Variants in ZNF283 observed in about 807,000 individuals in gnomAD.
The protein encoded by ZNF283 is zinc finger protein 41.
A neutral mutation model predicts 9.2 loss-of-function variants in ZNF283; 10 were observed. The ratio of observed to expected loss-of-function variants is 1.09; its 90% CI spans 0.67 to 1.85. The LOEUF is 1.85. Among genes scored for constraint, ZNF283 ranks in the 40% most tolerant of loss-of-function variants. The probability of loss-of-function intolerance (pLI) is 0.00; values close to 1 mark genes in which losing one functional copy is unlikely to be tolerated. For synonymous variants in ZNF283, 234 were observed against 244.1 expected, an observed-to-expected ratio of 0.96 and a Z score of 0.38; for missense variants, 631 against 760.1, an observed-to-expected ratio of 0.83 and a Z score of 2.00.
At chr19:43,833,966 A>G (rs2146540236) in intron 4 of ZNF283, 1 of 152,434 alleles carries the variant, frequency 6.6e-6, no homozygotes, top group South Asian at 2.1e-4. Context: ...GTCAGCAACA[A>G]AGGCCAGTAG....
At chr19:43,838,397 G>A (rs571968232) in intron 6 of ZNF283, among the ~76,000 whole-genome samples, 1 of 152,142 alleles carries the variant, frequency 6.6e-6, no homozygotes, top group African/African-American at 2.4e-5. Context: ...AAGCTGAGAC[G>A]GTTGGATCAC....
chr19:43,848,652 T>G lies in ZNF283; in HGVS notation c.*11T>G, dbSNP rs751621801. 3.9e-6 allele frequency: 6 copies of G among 1,529,944 alleles called. No individual in the cohort carries two copies. The highest frequency in any genetic ancestry group is 5.3e-6 in the Non-Finnish European group (6 of 1,138,932). 94.8% of individuals were successfully genotyped at this position (1,529,944 alleles called of 1,614,324 possible). A position where few individuals can be genotyped will look rare whatever the true frequency, so the allele number is the denominator to read the frequency against. ...GATGAAACCTTATGATTGAAAGTTG[T>G]AAAAGAATATTTTGTGTGTGTGTAT... On this transcript the variant is annotated 3_prime_UTR_variant, in exon 7 of 7. Coordinates refer to ENST00000618787, the MANE Select transcript of ZNF283 (RefSeq NM_181845.2).
At position 43,848,250 on chromosome 19, in the gene ZNF283, A is replaced by G. The variant is rs773239104; in HGVS notation, c.1649A>G (p.Lys550Arg). 13 of 1,613,672 alleles carry G rather than the reference A, an allele frequency of 8.1e-6. No individual in the cohort carries two copies. Among genetic ancestry groups the G allele is most frequent in the South Asian group, 2.2e-5 (2 of 91,068 alleles). ...EKPYECKECGKAFSRGYHLTQ... is the reference protein window; with the variant it reads ...EKPYECKECGRAFSRGYHLTQ... ...CCCTATGAATGTAAAGAATGTGGGA[A>G]GGCTTTTAGTCGTGGCTATCACCTT... is the stretch of plus-strand genomic sequence containing the variant. The change falls in exon 7 of 7, where the codon AAG becomes AGG. Residue 550 changes from lysine (K) to arginine (R), a missense_variant. By Grantham distance (26) the Lys-to-Arg change is conservative. This residue lies in a region of ZNF283 where 444 missense variants were observed against 522.5 expected (regional missense o/e 0.85). Transcript: ENST00000618787.
rs539150025 is a variant in ZNF283, at chr19:43,850,531, T to A, written c.*1890T>A. ...TTCGGCTCACTGCAACCTGCACCTC[T>A]CGGGTTCAAGTGATTCTCGTGCCTC... On this transcript the variant is annotated 3_prime_UTR_variant, in exon 7 of 7. Coordinates refer to ENST00000618787, the MANE Select transcript of ZNF283 (RefSeq NM_181845.2). The A allele has an allele frequency of 6.6e-6, 1 of 152,078 alleles. No homozygotes were observed. The highest frequency in any genetic ancestry group is 1.9e-4 in the East Asian group (1 of 5,172). The allele number at this position is 152,078 out of a possible 1,614,324, so 9.4% of individuals were successfully genotyped here. A position where few individuals can be genotyped will look rare whatever the true frequency, so the allele number is the denominator to read the frequency against.
At position 43,848,061 on chromosome 19, in the gene ZNF283, A is replaced by G; in HGVS notation, c.1460A>G (p.His487Arg). 2 of 1,612,902 alleles carry G rather than the reference A, an allele frequency of 1.2e-6. No individual in the cohort carries two copies. Among genetic ancestry groups the G allele is most frequent in the Non-Finnish European group, 8.5e-7 (1 of 1,179,736 alleles). ...HERVHTGEKS[H>R]ECKECGKTFC... The stretch of plus-strand genomic sequence containing the variant: ...AGAGTTCATACTGGTGAGAAATCCC[A>G]TGAATGTAAAGAATGCGGAAAGACC... The change falls in exon 7 of 7, where the codon CAT becomes CGT. Residue 487 changes from histidine to arginine, a missense_variant. His to Arg is a conservative substitution (Grantham distance 29). Coordinates refer to ENST00000618787, the MANE Select transcript of ZNF283 (RefSeq NM_181845.2).
At position 43,837,027 on chromosome 19, in the gene ZNF283, AGTAATACAT is replaced by A; in HGVS notation, c.211-24_211-16del. On this transcript the variant is annotated splice_polypyrimidine_tract_variant and intron_variant, in intron 5 of 6. Transcript: ENST00000618787. Reference sequence around the variant, plus strand: ...TGGAAATGTTTTCTTTAATTTCACAAGTAATACATGGGTTTTTGGTTTTAGGGGTTGGTG... The same window carrying A: ...TGGAAATGTTTTCTTTAATTTCACAAGGGTTTTTGGTTTTAGGGGTTGGTG... The A allele has an allele frequency of 6.2e-7, 1 of 1,611,316 alleles. No individual in the cohort carries two copies. Among genetic ancestry groups the A allele is most frequent in the Non-Finnish European group, 8.5e-7 (1 of 1,179,262 alleles).
Position 43,848,698 on chromosome 19 carries a change from A to T in ZNF283, c.*57A>T. ...TGTATAGACAACTTATCATAATAAG[A>T]ACTCTTACTCTTGAGAAACCTTGTG... On this transcript the variant is annotated 3_prime_UTR_variant, in exon 7 of 7. Transcript: ENST00000618787. 2 of 1,461,158 alleles carry T rather than the reference A, an allele frequency of 1.4e-6. No homozygotes were observed. Among genetic ancestry groups the T allele is most frequent in the Non-Finnish European group, 1.8e-6 (2 of 1,099,964 alleles). 90.5% of individuals were successfully genotyped at this position (1,461,158 alleles called of 1,614,324 possible).
intron 6 of ZNF283, among the ~76,000 whole-genome samples, chr19:43,841,732 C>G (rs1479938830): frequency 6.6e-6 from 1 of 152,136 alleles, no homozygotes; most frequent in Non-Finnish European, 1.5e-5. Flanking sequence ...TGCACCCAGC[C>G]TTCATCTTTC....
chr19:43,828,561 G>A (rs1236204960), intron 2 of ZNF283, among the ~76,000 whole-genome samples: 2 of 152,152 alleles, frequency 1.3e-5, no homozygotes, highest in Non-Finnish European at 2.9e-5. Flanking sequence ...TGCTATTAGA[G>A]CATTATTTTA....
chr19:43,830,932 G>A (rs543111509), intron 2 of ZNF283, among the ~76,000 whole-genome samples: 1 of 139,680 alleles, frequency 7.2e-6, no homozygotes, highest in African/African-American at 2.7e-5. Context: ...AAAAAAATTA[G>A]TGTCCAATAG....
intron 3 of ZNF283, among the ~76,000 whole-genome samples, chr19:43,831,978 G>GT (rs61655320): frequency 0.084 from 12,567 of 149,060 alleles, 557 homozygotes; most frequent in Middle Eastern, 0.11. Flanking sequence ...CTATGGGTCT[G>GT]TTTTTTTTTT....
chr19:43,850,095 T>C lies in ZNF283; in HGVS notation c.*1454T>C, dbSNP rs1971564704. 6.6e-6 allele frequency: 1 copy of C among 152,202 alleles called. No individual in the cohort carries two copies. Among genetic ancestry groups the C allele is most frequent in the Admixed American group, 6.5e-5 (1 of 15,284 alleles). The allele number at this position is 152,202 out of a possible 1,614,324, so 9.4% of individuals were successfully genotyped here. A position where few individuals can be genotyped will look rare whatever the true frequency, so the allele number is the denominator to read the frequency against. On this transcript the variant is annotated 3_prime_UTR_variant, in exon 7 of 7. Coordinates refer to ENST00000618787, the MANE Select transcript of ZNF283 (RefSeq NM_181845.2). Reference sequence around the variant, plus strand: ...ATGAGACTTGAAAAAATCCAGACTTTTGAAGAGTTTAGGAAAGCTGTTTTA... The same window carrying C: ...ATGAGACTTGAAAAAATCCAGACTTCTGAAGAGTTTAGGAAAGCTGTTTTA...
chr19:43,836,921 T>A, intron 5 of ZNF283, 132 bp from the exon 6 acceptor site: 1 of 950,136 alleles, frequency 1.1e-6, no homozygotes, highest in Non-Finnish European at 1.6e-6. Context: ...TTCCTACCTA[T>A]ATCAGAGGCT....
At chr19:43,843,855 C>T (rs1025311150) in intron 6 of ZNF283, among the ~76,000 whole-genome samples, 2 of 152,064 alleles carry the variant, frequency 1.3e-5, no homozygotes, top group African/African-American at 4.8e-5. Context: ...AGGGTGGTGT[C>T]AAAGAAAAAT....
intron 4 of ZNF283, among the ~76,000 whole-genome samples, chr19:43,834,554 TA>T (rs747424784): frequency 4.0e-5 from 6 of 151,086 alleles, no homozygotes; most frequent in Non-Finnish European, 7.4e-5. Context: ...TAAATGTTAT[TA>T]ATATATATAG....
intron 3 of ZNF283, 42 bp downstream of exon 3, chr19:43,831,423 G>T (rs761304045): frequency 6.5e-7 from 1 of 1,533,836 alleles, no homozygotes; most frequent in East Asian, 2.3e-5. Flanking sequence ...TTCAGTGTTG[G>T]CCCCGTTTGT....
Position 43,846,438 on chromosome 19 carries a change from T to C in ZNF283, c.338-501T>C, listed in dbSNP as rs148042932. Reference sequence around the variant, plus strand: ...CTCTGGAGGCCAAATCCACCTGTTTTTGCAAATAAAGTTGTATTGGAACAT... The same window carrying C: ...CTCTGGAGGCCAAATCCACCTGTTTCTGCAAATAAAGTTGTATTGGAACAT... On this transcript the variant is annotated intron_variant, in intron 6 of 6. Transcript: ENST00000618787. Among the ~76,000 whole-genome samples the C allele has an allele frequency of 2.8e-3, 424 of 152,296 alleles. 3 individuals are homozygous for C. The highest frequency in any genetic ancestry group is 9.4e-3 in the African/African-American group (390 of 41,574).
rs1971619518 is a variant in ZNF283 at position 43,851,800 on chromosome 19, T to C, written c.*3159T>C. On this transcript the variant is annotated 3_prime_UTR_variant, in exon 7 of 7. Coordinates refer to ENST00000618787, the MANE Select transcript of ZNF283 (RefSeq NM_181845.2). The stretch of plus-strand genomic sequence containing the variant: ...TTGTTTAAACTGGTGTATGGCAAAC[T>C]TCACTGTTGAAATACTTATTCCCAT... The C allele has an allele frequency of 6.6e-6, 1 of 152,248 alleles. No individual in the cohort carries two copies. The highest frequency in any genetic ancestry group is 1.5e-5 in the Non-Finnish European group (1 of 68,048). 9.4% of individuals were successfully genotyped at this position (152,248 alleles called of 1,614,324 possible).
At chr19:43,841,455 G>C (rs1332373426) in intron 6 of ZNF283, 2 of 122,694 alleles carry the variant, frequency 1.6e-5, no homozygotes, top group African/African-American at 6.5e-5. Context: ...TTTTTTTTGA[G>C]ACAGTCTCAC....
Sources: gnomAD v4.1 joint callset for allele counts (sites outside exome capture counted in the v4.1 genomes callset) on GRCh38, gnomAD v4.1.1 for gene constraint, gnomAD v4.1.1 regional missense constraint, MANE v1.5 for transcripts, NCBI Gene and HGNC (gene_info 2026-07-23, HGNC 2026-07-21) for gene names.